Variants in KAZN observed in about 807,000 individuals in gnomAD.
The protein encoded by KAZN is kazrin.
A neutral mutation model predicts 87.4 loss-of-function variants in KAZN; 40 were observed. The ratio of observed to expected loss-of-function variants is 0.46; its 90% confidence interval spans 0.36 to 0.60. The LOEUF is 0.60. Among genes scored for constraint, KAZN ranks in the 20% least tolerant of loss-of-function variants. The pLI is 0.00. For missense variants in KAZN, 898 were observed against 1,073.9 expected, an observed-to-expected ratio of 0.84 and a Z score of 2.29; for synonymous variants, 466 against 458.3, an observed-to-expected ratio of 1.02 and a Z score of -0.22.
chr1:14,524,504 C>G (rs1184133965), intron 2 of KAZN, among the ~76,000 whole-genome samples: 1 of 152,184 alleles, frequency 6.6e-6, no homozygotes, highest in Admixed American at 6.5e-5. Context: ...TATCACCAGG[C>G]TCTCTTTGAC....
At chr1:14,310,573 C>T (rs1026498186) in intron 2 of KAZN, among the ~76,000 whole-genome samples, 3 of 152,094 alleles carry the variant, frequency 2.0e-5, no homozygotes, top group Admixed American at 1.3e-4. Flanking sequence ...GCTGGTGGGC[C>T]GACGTATGTA....
intron 1 of KAZN, among the ~76,000 whole-genome samples, chr1:14,935,894 C>T (rs144922473): frequency 1.2e-3 from 186 of 152,252 alleles, no homozygotes; most frequent in African/African-American, 4.1e-3. Context: ...TATAGCACCC[C>T]CGCCCCATCT....
At chr1:14,293,556 CT>C (rs1411190533) in intron 2 of KAZN, among the ~76,000 whole-genome samples, 1 of 152,098 alleles carries the variant, frequency 6.6e-6, no homozygotes, top group Non-Finnish European at 1.5e-5. Flanking sequence ...GCCTTTCCTT[CT>C]TTGTGAGGTC....
intron 2 of KAZN, among the ~76,000 whole-genome samples, chr1:14,315,510 A>T (rs923665098): frequency 2.6e-5 from 4 of 152,108 alleles, no homozygotes; most frequent in Non-Finnish European, 5.9e-5. Flanking sequence ...TAAAACATTA[A>T]TATTACCTTA....
chr1:14,167,699 C>T lies in KAZN; in HGVS notation c.92-12736C>T, dbSNP rs548841240. ...GATCATGCCACTTCACTCCAGCCTG[C>T]GTAAAAGAGAGAAACTCTGTCAAAA... On this transcript the variant is annotated intron_variant, in intron 1 of 16. Coordinates refer to the KAZN transcript ENST00000636203. Among the ~76,000 whole-genome samples the T allele has an allele frequency of 1.1e-4, 17 of 151,536 alleles. No homozygotes were observed. In the South Asian group the frequency reaches 3.1e-3, roughly 28 times the overall value.
At chr1:14,506,861 A>G (rs1484663664) in intron 2 of KAZN, among the ~76,000 whole-genome samples, 1 of 152,242 alleles carries the variant, frequency 6.6e-6, no homozygotes, top group Admixed American at 6.5e-5. Flanking sequence ...TACGGTGGCT[A>G]CCGATTGGAC....
chr1:14,907,165 GC>G (rs1557608688), intron 1 of KAZN, among the ~76,000 whole-genome samples: 1 of 151,986 alleles, frequency 6.6e-6, no homozygotes, highest in Admixed American at 6.6e-5. Flanking sequence ...GGAGGCCGAG[GC>G]TGGTGGATCA....
chr1:14,188,078 A>T (rs763974735), intron 2 of KAZN, among the ~76,000 whole-genome samples: 1 of 152,010 alleles, frequency 6.6e-6, no homozygotes, highest in Non-Finnish European at 1.5e-5. Flanking sequence ...GTGAGTTTTA[A>T]TGTTTGTCTT....
At chr1:14,159,565 C>G (rs114990258) in intron 1 of KAZN, among the ~76,000 whole-genome samples, 1 of 152,222 alleles carries the variant, frequency 6.6e-6, no homozygotes, top group Non-Finnish European at 1.5e-5. Flanking sequence ...AGTTCTGGAA[C>G]TGGGTCACCA....
intron 2 of KAZN, among the ~76,000 whole-genome samples, chr1:14,386,629 T>C (rs186080662): frequency 4.6e-5 from 7 of 152,292 alleles, no homozygotes; most frequent in Admixed American, 1.3e-4. Context: ...TTTAAGAATG[T>C]TGAATATTGG....
chr1:14,052,792 A>G (rs187875051), intron 1 of KAZN, among the ~76,000 whole-genome samples: 1 of 152,314 alleles, frequency 6.6e-6, no homozygotes, highest in Non-Finnish European at 1.5e-5. Context: ...GAATGAGGCA[A>G]GGAGGGATTC....
At position 14,399,833 on chromosome 1, in the gene KAZN, A is replaced by G. The variant is rs146832749; in HGVS notation, c.250-199150A>G. ...CATCAATTACCTCTTCCCTCCCCAT[A>G]CCCTTTTGCTAGTGACTCTCTCCTG... is the stretch of plus-strand genomic sequence containing the variant. On this transcript the variant is annotated intron_variant, in intron 2 of 16. Coordinates refer to the KAZN transcript ENST00000636203. Among the ~76,000 whole-genome samples the G allele has an allele frequency of 5.6e-3, 848 of 151,558 alleles. 7 individuals carry two copies. Among genetic ancestry groups the G allele is most frequent in the African/African-American group, 0.02 (811 of 41,278 alleles).
At chr1:14,903,428 G>A (rs1656155383) in intron 1 of KAZN, among the ~76,000 whole-genome samples, 3 of 152,188 alleles carry the variant, frequency 2.0e-5, no homozygotes, top group Non-Finnish European at 1.5e-5. Context: ...AGCAGAGCGG[G>A]CCATCTGTGC....
chr1:14,757,713 T>C (rs762554370), intron 1 of KAZN, among the ~76,000 whole-genome samples: 4 of 152,188 alleles, frequency 2.6e-5, no homozygotes, highest in Non-Finnish European at 4.4e-5. Context: ...GGCACTGTGA[T>C]GTCATGTGGT....
intron 2 of KAZN, among the ~76,000 whole-genome samples, chr1:14,446,332 T>C (rs906510471): frequency 2.6e-5 from 4 of 152,156 alleles, no homozygotes; most frequent in Non-Finnish European, 5.9e-5. Context: ...CCAAGCCCAG[T>C]GATGTTCCCA....
At chr1:14,876,234 G>T (rs1034285504) in intron 1 of KAZN, among the ~76,000 whole-genome samples, 2 of 152,204 alleles carry the variant, frequency 1.3e-5, no homozygotes, top group Non-Finnish European at 2.9e-5. Context: ...AATCTGATCT[G>T]CACAATCACA....
At chr1:14,986,808 G>A (rs1666868905) in intron 2 of KAZN, among the ~76,000 whole-genome samples, 1 of 152,178 alleles carries the variant, frequency 6.6e-6, no homozygotes. Flanking sequence ...TGACATGGGG[G>A]CCATTGGACA....
chr1:14,498,096 C>T (rs946006609), intron 2 of KAZN, among the ~76,000 whole-genome samples: 3 of 152,218 alleles, frequency 2.0e-5, no homozygotes, highest in Non-Finnish European at 2.9e-5. Context: ...ACTTTGGAAA[C>T]GTTCCCTGAC....
intron 1 of KAZN, among the ~76,000 whole-genome samples, chr1:14,680,307 C>T (rs1218432306): frequency 1.3e-5 from 2 of 152,076 alleles, no homozygotes; most frequent in African/African-American, 2.4e-5. Flanking sequence ...CTTCCCAGTC[C>T]GTTCCTACGT....
Sources: allele counts gnomAD v4.1 joint callset (sites outside exome capture counted in the v4.1 genomes callset), GRCh38; gene constraint gnomAD v4.1.1; transcripts MANE v1.5; gene names NCBI Gene and HGNC (gene_info 2026-07-23, HGNC 2026-07-21).